ANKRD30A: variants seen among roughly 807,000 people sequenced by gnomAD.
ANKRD30A encodes the protein ankyrin repeat domain-containing protein 30A.
A neutral mutation model predicts 166.3 loss-of-function variants in ANKRD30A; 170 were observed. The observed-to-expected ratio is 1.02, with a 90% CI of 0.90 to 1.16. The LOEUF is 1.16. Ranked by LOEUF, ANKRD30A falls within the 50% of genes most tolerant of loss-of-function variation. ANKRD30A has a pLI of 0.00. For missense variants in ANKRD30A, 1,630 were observed against 1,518.0 expected (o/e 1.07, Z -1.23); for synonymous variants, 564 against 508.9 (o/e 1.11, Z -1.46).
chr10:37,258,561 T>C, the ANKRD30A span, among the ~76,000 whole-genome samples: 1 of 151,722 alleles, frequency 6.6e-6, no homozygotes, highest in Non-Finnish European at 1.5e-5. Context: ...GATATCATTA[T>C]GGGGGAATAA....
intron 15 of ANKRD30A, among the ~76,000 whole-genome samples, chr10:37,162,082 T>C (rs1049263093): frequency 6.6e-6 from 1 of 152,156 alleles, no homozygotes; most frequent in Non-Finnish European, 1.5e-5. Context: ...TCCAGAAGCA[T>C]TCAGACAGCT....
At chr10:37,183,615 A>C (rs1172052703) in intron 24 of ANKRD30A, among the ~76,000 whole-genome samples, 3 of 147,018 alleles carry the variant, frequency 2.0e-5, no homozygotes, top group Non-Finnish European at 4.5e-5. Flanking sequence ...TTTTCCCTAG[A>C]GAGGATCTAG....
chr10:37,172,111 C>T (rs544314952), intron 21 of ANKRD30A, among the ~76,000 whole-genome samples: 10 of 132,790 alleles, frequency 7.5e-5, no homozygotes, highest in East Asian at 6.0e-4. Context: ...GTTGGGAGGC[C>T]GTGACTGGCA....
chr10:37,198,465 T>C (rs1429508557), intron 29 of ANKRD30A, among the ~76,000 whole-genome samples: 1 of 152,126 alleles, frequency 6.6e-6, no homozygotes, highest in African/African-American at 2.4e-5. Context: ...GATTTCTGCA[T>C]CTTTAAAAGG....
intron 7 of ANKRD30A, among the ~76,000 whole-genome samples, chr10:37,143,307 G>C (rs138204443): frequency 1.2e-4 from 18 of 152,298 alleles, no homozygotes; most frequent in Non-Finnish European, 2.6e-4. Flanking sequence ...AGGGCATACT[G>C]GTTATGGTAT....
intron 34 of ANKRD30A, among the ~76,000 whole-genome samples, chr10:37,225,589 C>CT (rs1242760219): frequency 1.3e-5 from 2 of 151,762 alleles, no homozygotes; most frequent in Non-Finnish European, 2.9e-5. Flanking sequence ...AAGTAAAAAT[C>CT]TGTCAGTGCT....
intron 31 of ANKRD30A, among the ~76,000 whole-genome samples, chr10:37,215,630 T>C (rs1842562488): frequency 6.6e-6 from 1 of 151,600 alleles, no homozygotes; most frequent in Admixed American, 6.6e-5. Context: ...ATTTTTTTTC[T>C]GTTTTTCAGG....
intron 19 of ANKRD30A, among the ~76,000 whole-genome samples, chr10:37,167,059 G>T (rs1227535335): frequency 6.6e-6 from 1 of 152,072 alleles, no homozygotes; most frequent in Non-Finnish European, 1.5e-5. Flanking sequence ...AAAATGAAAT[G>T]ATTGTTTAGG....
intron 7 of ANKRD30A, 39 bp from the exon 8 acceptor site, chr10:37,144,956 A>T (rs764834907): frequency 7.1e-7 from 1 of 1,415,020 alleles, no homozygotes; most frequent in South Asian, 1.3e-5. Flanking sequence ...TATAATAAGA[A>T]ATGTTATCAT....
rs754007680 is a variant in ANKRD30A at position 37,219,789 on chromosome 10, GAAAATGCAACATCATCTCCTAAAAGAGA to G, written c.4084_4111del (p.Gln1362ArgfsTer10). On this transcript the variant is annotated frameshift_variant, in exon 34 of 36. Coordinates refer to ENST00000361713, the MANE Select transcript of ANKRD30A (RefSeq NM_052997.3). LOFTEE classifies it high-confidence loss of function. ...CAATTGATATTCATTTTCTTGAGAG[GAAAATGCAACATCATCTCCTAAAAGAGA>G]AAAATGAGGAGATATTTAATTACAA... 3.1e-6 allele frequency: 5 copies of G among 1,606,544 alleles called. No individual in the cohort carries two copies. In the African/African-American group the frequency reaches 6.7e-5, roughly 22 times the overall value.
At chr10:37,255,519 A>T in the ANKRD30A span, among the ~76,000 whole-genome samples, 1 of 152,250 alleles carries the variant, frequency 6.6e-6, no homozygotes, top group Non-Finnish European at 1.5e-5. Context: ...CATTTTAAAC[A>T]TAAAATTCAG....
chr10:37,204,128 G>C (rs1841831904), intron 31 of ANKRD30A, among the ~76,000 whole-genome samples: 1 of 152,020 alleles, frequency 6.6e-6, no homozygotes, highest in African/African-American at 2.4e-5. Context: ...CACAGAATTG[G>C]AAAAACTACT....
At chr10:37,228,888 T>A (rs1006020541) in intron 34 of ANKRD30A, among the ~76,000 whole-genome samples, 1 of 152,034 alleles carries the variant, frequency 6.6e-6, no homozygotes, top group Non-Finnish European at 1.5e-5. Flanking sequence ...TTCCTAACAA[T>A]TGCCCACAAT....
chr10:37,178,651 C>G (rs1175739617), intron 24 of ANKRD30A: 2 of 909,514 alleles, frequency 2.2e-6, no homozygotes, highest in Non-Finnish European at 2.6e-6. Context: ...AAGAAAGGAG[C>G]AATGCAATAG....
chr10:37,236,165 AG>A (rs1255577145), downstream of ANKRD30A, among the ~76,000 whole-genome samples: 4 of 152,110 alleles, frequency 2.6e-5, no homozygotes, highest in Non-Finnish European at 4.4e-5. Context: ...CATTTTTACA[AG>A]TATTATGTAG....
At chr10:37,163,028 A>C (rs182414753) in intron 17 of ANKRD30A, among the ~76,000 whole-genome samples, 180 bp downstream of exon 17, 138 of 152,138 alleles carry the variant, frequency 9.1e-4, no homozygotes, top group Middle Eastern at 3.4e-3. Flanking sequence ...TTTTCAATAT[A>C]TTTTTTAAAA....
chr10:37,166,797 C>T, intron 19 of ANKRD30A, 102 bp downstream of exon 19: 5 of 1,510,856 alleles, frequency 3.3e-6, no homozygotes, highest in South Asian at 2.5e-5. Flanking sequence ...CTCCTAAATG[C>T]AAACCATGGA....
At chr10:37,158,337 G>T in intron 13 of ANKRD30A, 55 bp from the exon 14 acceptor site, 1 of 1,569,772 alleles carries the variant, frequency 6.4e-7, no homozygotes, top group Non-Finnish European at 8.7e-7. Flanking sequence ...GTGAATGTTC[G>T]GTAGGCTTTG....
At position 37,193,088 on chromosome 10, in the gene ANKRD30A, T is replaced by C. The variant is rs779502544; in HGVS notation, c.2537T>C (p.Leu846Pro). ...LEESPDNDGF[L>P]KAPCRMKVSI... ...GAGTCTCCTGATAATGATGGTTTTC[T>C]GAAGGTAATAACTTTTATATTTTTA... Residue 846 changes from leucine (L) to proline (P), a missense_variant, in exon 26 of 36, where the codon CTG becomes CCG. Coordinates refer to ENST00000361713, the MANE Select transcript of ANKRD30A (RefSeq NM_052997.3). The C allele has an allele frequency of 6.2e-7, 1 of 1,607,746 alleles. No individual in the cohort carries two copies. The highest frequency in any genetic ancestry group is 1.1e-5 in the South Asian group (1 of 90,808).
Sources: gnomAD v4.1 joint callset for allele counts (sites outside exome capture counted in the v4.1 genomes callset) on GRCh38, gnomAD v4.1.1 for gene constraint, MANE v1.5 for transcripts, NCBI Gene and HGNC (gene_info 2026-07-23, HGNC 2026-07-21) for gene names.